Variants in SOX6 observed in about 807,000 individuals in gnomAD.
The protein encoded by SOX6 is transcription factor SOX-6.
In SOX6, 11 loss-of-function variants were observed where a neutral mutation model predicts 97.8. The observed-to-expected ratio is 0.11, with a 90% CI of 0.07 to 0.19. The LOEUF is 0.19. Among genes scored for constraint, SOX6 ranks in the 10% least tolerant of loss-of-function variants. The pLI, the probability that SOX6 is intolerant of heterozygous loss-of-function variation, is 1.00. For missense variants in SOX6, 810 were observed against 1,039.5 expected (o/e 0.78, Z 3.04); for synonymous variants, 360 against 371.4 (o/e 0.97, Z 0.35).
intron 6 of SOX6, among the ~76,000 whole-genome samples, chr11:16,146,249 G>T (rs1180970894): frequency 6.6e-6 from 1 of 152,080 alleles, no homozygotes; most frequent in African/African-American, 2.4e-5. Context: ...CAAGAAATGG[G>T]GAAAGGATTC....
intron 4 of SOX6, among the ~76,000 whole-genome samples, chr11:16,551,732 T>C (rs1436918610): frequency 6.6e-6 from 1 of 152,066 alleles, no homozygotes; most frequent in Non-Finnish European, 1.5e-5. Context: ...GCCTCCTGAG[T>C]AGCTGGGATT....
chr11:16,262,483 A>G (rs1048297805), intron 3 of SOX6, among the ~76,000 whole-genome samples: 3 of 152,072 alleles, frequency 2.0e-5, no homozygotes, highest in Admixed American at 2.0e-4. Flanking sequence ...GTGCTCTTTA[A>G]AAGAGACAAT....
At chr11:16,715,210 G>A (rs779106750) in intron 2 of SOX6, among the ~76,000 whole-genome samples, 36 of 151,952 alleles carry the variant, frequency 2.4e-4, no homozygotes, top group Admixed American at 7.9e-4. Context: ...AGTACCCACC[G>A]GATTTTTGAA....
intron 4 of SOX6, among the ~76,000 whole-genome samples, chr11:16,497,947 C>A (rs374770832): frequency 1.3e-5 from 2 of 152,124 alleles, no homozygotes; most frequent in African/African-American, 4.8e-5. Context: ...CCAACATTCA[C>A]ATTCAGGAAA....
chr11:16,423,514 T>C (rs2133067326), intron 1 of SOX6, among the ~76,000 whole-genome samples: 1 of 152,266 alleles, frequency 6.6e-6, no homozygotes, highest in African/African-American at 2.4e-5. Flanking sequence ...TGAATAAACA[T>C]CTGATGAACA....
At chr11:16,439,643 G>A (rs1859464132) in intron 1 of SOX6, among the ~76,000 whole-genome samples, 1 of 152,042 alleles carries the variant, frequency 6.6e-6, no homozygotes, top group Non-Finnish European at 1.5e-5. Flanking sequence ...CTTCCTTCCT[G>A]GCAGAGTTCA....
intron 13 of SOX6, among the ~76,000 whole-genome samples, chr11:15,991,853 C>G (rs1854062260): frequency 6.6e-6 from 1 of 152,092 alleles, no homozygotes; most frequent in African/African-American, 2.4e-5. Flanking sequence ...ATACATATGC[C>G]CAATCTCTCT....
intron 4 of SOX6, among the ~76,000 whole-genome samples, chr11:16,544,713 A>ATT (rs1449549684): frequency 6.6e-6 from 1 of 152,292 alleles, no homozygotes; most frequent in African/African-American, 2.4e-5. Context: ...TACCACAATA[A>ATT]TTTTTAAACT....
chr11:16,151,845 A>T (rs1465375032), intron 6 of SOX6, among the ~76,000 whole-genome samples: 1 of 152,194 alleles, frequency 6.6e-6, no homozygotes, highest in Non-Finnish European at 1.5e-5. Flanking sequence ...AAATGAAGGT[A>T]CAAAGAACAC....
intron 6 of SOX6, among the ~76,000 whole-genome samples, chr11:16,166,473 G>T (rs1850890478): frequency 6.6e-6 from 1 of 152,168 alleles, no homozygotes; most frequent in African/African-American, 2.4e-5. Flanking sequence ...AATGATTTAA[G>T]ATTTCAACTA....
Position 16,105,209 on chromosome 11 carries a change from T to A in SOX6, c.898+6594A>T, listed in dbSNP as rs11824362. ...AATTACTTACCAGGGCAAAGTGGAA[T>A]TTATCCCAAGAATGCAAGGGATCAA... On this transcript the variant is annotated intron_variant, in intron 7 of 15. Coordinates refer to ENST00000683767, the MANE Select transcript of SOX6 (RefSeq NM_001367873.1). Among the ~76,000 whole-genome samples, 499 of 152,068 alleles carry A rather than the reference T, an allele frequency of 3.3e-3. 1 individual carries two copies. The highest frequency in any genetic ancestry group is 0.012 in the African/African-American group (478 of 41,502).
rs1038947717 is a variant in SOX6 at position 16,319,754 on chromosome 11, T to C, written c.238-1101A>G. Among the ~76,000 whole-genome samples, 8 of 152,166 alleles carry C rather than the reference T, an allele frequency of 5.3e-5. No homozygotes were observed. In the South Asian group the frequency reaches 8.3e-4, roughly 16 times the overall value. ...ATCCAGTCTATCATTGATGGACATT[T>C]GGGTTGGTTCCAAGTCTTTGCTATT... On this transcript the variant is annotated intron_variant, in intron 2 of 15. Coordinates refer to ENST00000683767, the MANE Select transcript of SOX6 (RefSeq NM_001367873.1).
chr11:16,719,418 G>A (rs918159285), intron 2 of SOX6, among the ~76,000 whole-genome samples: 8 of 152,114 alleles, frequency 5.3e-5, no homozygotes, highest in African/African-American at 1.9e-4. Flanking sequence ...GATAATCCCT[G>A]GAGAGTCCCT....
chr11:16,056,867 G>A (rs1847828147), intron 9 of SOX6, among the ~76,000 whole-genome samples: 1 of 152,034 alleles, frequency 6.6e-6, no homozygotes, highest in Non-Finnish European at 1.5e-5. Context: ...AGACAGGTGG[G>A]CTAACCTCTT....
intron 4 of SOX6, among the ~76,000 whole-genome samples, chr11:16,497,930 AG>A: frequency 6.6e-6 from 1 of 152,350 alleles, no homozygotes; most frequent in African/African-American, 2.4e-5. Context: ...CAATCTAGCA[AG>A]GCAGGCCAAC....
intron 3 of SOX6, among the ~76,000 whole-genome samples, chr11:16,284,937 C>CTTATTTATGA (rs1470412583): frequency 6.6e-6 from 1 of 152,058 alleles, no homozygotes; most frequent in African/African-American, 2.4e-5. Context: ...CTTATCTCTT[C>CTTATTTATGA]TTATTTATGA....
chr11:16,653,625 G>C (rs910704653), intron 3 of SOX6, among the ~76,000 whole-genome samples: 1 of 152,114 alleles, frequency 6.6e-6, no homozygotes, highest in Non-Finnish European at 1.5e-5. Flanking sequence ...TAGGGGAAGC[G>C]GGTAGGAGGG....
intron 10 of SOX6, among the ~76,000 whole-genome samples, chr11:16,054,563 G>A (rs551746145): frequency 6.6e-6 from 1 of 151,910 alleles, no homozygotes; most frequent in Admixed American, 6.6e-5. Flanking sequence ...TTGGTATTTG[G>A]GATGCACTTT....
At chr11:16,306,627 C>CTTTTTTTTTTTTTT (rs529819628) in intron 3 of SOX6, among the ~76,000 whole-genome samples, 1 of 106,454 alleles carries the variant, frequency 9.4e-6, no homozygotes, top group Non-Finnish European at 1.9e-5. Context: ...TTTTTTTTTT[C>CTTTTTTTTTTTTTT]TTTTTTTTTT....
Sources: gnomAD v4.1 joint callset for allele counts (sites outside exome capture counted in the v4.1 genomes callset) on GRCh38, gnomAD v4.1.1 for gene constraint, MANE v1.5 for transcripts, NCBI Gene and HGNC (gene_info 2026-07-23, HGNC 2026-07-21) for gene names.